AKAP13: variants seen among roughly 807,000 people sequenced by gnomAD.
The protein encoded by AKAP13 is A-kinase anchoring protein 13.
Under a neutral mutation model 264.5 loss-of-function variants are expected in AKAP13, and 80 were observed. The observed-to-expected ratio is 0.30, with a 90% CI of 0.25 to 0.36. AKAP13 has a LOEUF of 0.36. Among genes scored for constraint, AKAP13 ranks in the 10% least tolerant of loss-of-function variants. The pLI is 1.00. For missense variants in AKAP13, 3,712 were observed against 3,435.2 expected (o/e 1.08, Z -2.01); for synonymous variants, 1,380 against 1,250.2 (o/e 1.10, Z -2.19).
Position 85,746,712 on chromosome 15 carries a change from A to G in AKAP13, c.*2035A>G, listed in dbSNP as rs534915210. ...TTGTACAACTCCAAGTTACAGCTGA[A>G]TCTGTCGTGACTTTCCTGAGATCTA... is the stretch of plus-strand genomic sequence containing the variant. On this transcript the variant is annotated 3_prime_UTR_variant, in exon 37 of 37. Coordinates refer to ENST00000394518, the MANE Select transcript of AKAP13 (RefSeq NM_007200.5). 1 of 152,232 alleles carries G rather than the reference A, an allele frequency of 6.6e-6. No individual in the cohort carries two copies. Among genetic ancestry groups the G allele is most frequent in the South Asian group, 2.1e-4 (1 of 4,818 alleles). The allele number at this position is 152,232 out of a possible 1,614,324, so 9.4% of individuals were successfully genotyped here.
intron 1 of AKAP13, among the ~76,000 whole-genome samples, chr15:85,430,404 C>T (rs1240318122): frequency 6.6e-6 from 1 of 152,200 alleles, no homozygotes; most frequent in African/African-American, 2.4e-5. Flanking sequence ...GTTGTAAACA[C>T]TGTTAGCTGA....
intron 16 of AKAP13, chr15:85,689,988 C>G (rs1387345427): frequency 1.3e-5 from 2 of 152,308 alleles, no homozygotes; most frequent in Non-Finnish European, 2.9e-5. Context: ...GCATGCGCCC[C>G]CGCTTCTGTG....
At chr15:85,466,219 ATTTG>A (rs1485178380) in intron 1 of AKAP13, among the ~76,000 whole-genome samples, 1 of 150,864 alleles carries the variant, frequency 6.6e-6, no homozygotes, top group African/African-American at 2.4e-5. Context: ...TTTCTTGTAA[ATTTG>A]TTTGAGTTCA....
chr15:85,662,442 T>A, intron 12 of AKAP13: 2 of 1,614,172 alleles, frequency 1.2e-6, no homozygotes, highest in Non-Finnish European at 1.7e-6. Flanking sequence ...GTGCTGACTT[T>A]AATTACAGAA....
chr15:85,676,780 A>T (rs541008860), intron 14 of AKAP13, among the ~76,000 whole-genome samples: 11 of 152,218 alleles, frequency 7.2e-5, no homozygotes, highest in African/African-American at 2.4e-4. Flanking sequence ...TTATTAGCCA[A>T]ATTTTTTAGA....
intron 1 of AKAP13, among the ~76,000 whole-genome samples, chr15:85,450,921 T>C (rs573750940): frequency 1.3e-5 from 2 of 152,146 alleles, no homozygotes; most frequent in African/African-American, 4.8e-5. Flanking sequence ...GTTTATTTTC[T>C]GGCTCAGTCT....
At position 85,711,220 on chromosome 15, in the gene AKAP13, C is replaced by T. The variant is rs191879051; in HGVS notation, c.5599+575C>T. Among the ~76,000 whole-genome samples, 188 of 151,492 alleles carry T rather than the reference C, an allele frequency of 1.2e-3. 1 individual carries two copies. The highest frequency in any genetic ancestry group is 4.5e-3 in the African/African-American group (185 of 41,318). On this transcript the variant is annotated intron_variant, in intron 19 of 36. Coordinates refer to ENST00000394518, the MANE Select transcript of AKAP13 (RefSeq NM_007200.5). ...AACTGAGAAGTTATAGAAAATAGTT[C>T]TTTTTTTTTATTATTTCTAAGGACC...
At chr15:85,466,806 A>G (rs1232701769) in intron 1 of AKAP13, among the ~76,000 whole-genome samples, 1 of 152,214 alleles carries the variant, frequency 6.6e-6, no homozygotes, top group Non-Finnish European at 1.5e-5. Flanking sequence ...AAGCTTTGGA[A>G]TCTTGGAATT....
chr15:85,698,968 A>AT (rs2085741251), intron 17 of AKAP13, among the ~76,000 whole-genome samples: 1 of 147,718 alleles, frequency 6.8e-6, no homozygotes, highest in South Asian at 2.2e-4. Flanking sequence ...AAAAAAAAAA[A>AT]AATTTACAAA....
rs1281631727 is a variant in AKAP13 at position 85,669,848 on chromosome 15, T to C, written c.5101+18T>C. The C allele has an allele frequency of 2.0e-6, 3 of 1,505,436 alleles. No homozygotes were observed. In the East Asian group the frequency reaches 7.0e-5, roughly 35 times the overall value. The allele number at this position is 1,505,436 out of a possible 1,614,324, so 93.3% of individuals were successfully genotyped here. A position where few individuals can be genotyped will look rare whatever the true frequency, so the allele number is the denominator to read the frequency against. ...ATTGGACAGTGAGTATACTACTTTT[T>C]AAAAAAATTAAATATATTAAATCTT... On this transcript the variant is annotated intron_variant, in intron 14 of 36. Transcript: ENST00000394518.
At chr15:85,740,590 T>A (rs1471057184) in intron 34 of AKAP13, 1 of 374,410 alleles carries the variant, frequency 2.7e-6, no homozygotes, top group Admixed American at 4.2e-5. Flanking sequence ...ATATTCCGTA[T>A]CTCTGTGGTA....
chr15:85,709,007 A>G (rs570825685), intron 18 of AKAP13, among the ~76,000 whole-genome samples: 23 of 152,342 alleles, frequency 1.5e-4, no homozygotes, highest in African/African-American at 4.6e-4. Context: ...GAGAAGCACT[A>G]AAACTAGTGT....
chr15:85,606,116 T>TTTTTTTTTTTTTG lies in AKAP13; in HGVS notation c.4161+20293_4161+20294insTTTTTTTTTTTTG, dbSNP rs1397739820. On this transcript the variant is annotated intron_variant, in intron 8 of 36. Transcript: ENST00000394518. ...TTTTTTTTTTTTTTTTTTTTTTTTT[T>TTTTTTTTTTTTTG]GTTGAGATGTAGTCTTGCTCTGTCA... is the stretch of plus-strand genomic sequence containing the variant. 1.4e-5 allele frequency among the ~76,000 whole-genome samples: 2 copies of TTTTTTTTTTTTTG among 141,664 alleles called. 1 individual carries two copies. Among genetic ancestry groups the TTTTTTTTTTTTTG allele is most frequent in the African/African-American group, 5.7e-5 (2 of 35,206 alleles). 92.9% of individuals were successfully genotyped at this position (141,664 alleles called of 152,430 possible).
intron 17 of AKAP13, among the ~76,000 whole-genome samples, chr15:85,704,784 T>A (rs1313645128): frequency 6.6e-6 from 1 of 152,208 alleles, no homozygotes; most frequent in Non-Finnish European, 1.5e-5. Context: ...TAAAAATGTA[T>A]TAGATTTGTC....
At chr15:85,646,938 A>G (rs1477713056) in intron 10 of AKAP13, among the ~76,000 whole-genome samples, 1 of 152,258 alleles carries the variant, frequency 6.6e-6, no homozygotes, top group Non-Finnish European at 1.5e-5. Flanking sequence ...ACTCAATTAT[A>G]TGCCACAAGT....
At chr15:85,409,888 C>T (rs186759717) in intron 1 of AKAP13, among the ~76,000 whole-genome samples, 168 of 151,704 alleles carry the variant, frequency 1.1e-3, no homozygotes, top group Middle Eastern at 3.4e-3. Flanking sequence ...GCCTCGGCCT[C>T]CCAAAGTGCT....
chr15:85,437,042 G>A (rs2073339174), intron 1 of AKAP13, among the ~76,000 whole-genome samples: 1 of 146,428 alleles, frequency 6.8e-6, no homozygotes, highest in Non-Finnish European at 1.5e-5. Flanking sequence ...CTGGTTTTTT[G>A]AAAGGATCAA....
chr15:85,436,706 C>T (rs868573422), intron 1 of AKAP13, among the ~76,000 whole-genome samples: 8 of 150,224 alleles, frequency 5.3e-5, no homozygotes, highest in Non-Finnish European at 1.2e-4. Context: ...ACAACCTGCT[C>T]CTGAATGACT....
At position 85,580,481 on chromosome 15, in the gene AKAP13, G is replaced by T. The variant is rs1011190024; in HGVS notation, c.2413G>T (p.Val805Phe). The change falls in exon 7 of 37, where the codon GTC becomes TTC. Residue 805 changes from valine (V) to phenylalanine (F), a missense_variant. Val to Phe is a conservative substitution (Grantham distance 50). This residue lies in a region of AKAP13 where 2,759 missense variants were observed against 2,411.7 expected (regional missense o/e 1.14). Transcript: ENST00000394518. ...AACCAAGGATGACGCACTTTCTTTT[G>T]TCCCCTCCCAGAAAGAAAAGGGAAC... ...SVTKDDALSF[V>F]PSQKEKGTAT... 3.1e-6 allele frequency: 5 copies of T among 1,614,128 alleles called. No individual in the cohort carries two copies. The highest frequency in any genetic ancestry group is 4.2e-6 in the Non-Finnish European group (5 of 1,180,026).
Sources: allele counts gnomAD v4.1 joint callset (sites outside exome capture counted in the v4.1 genomes callset), GRCh38; gene constraint gnomAD v4.1.1; regional missense constraint gnomAD v4.1.1; transcripts MANE v1.5; gene names NCBI Gene and HGNC (gene_info 2026-07-23, HGNC 2026-07-21).